Variants in ZNF529 observed in about 807,000 individuals in gnomAD.
ZNF529 encodes zinc finger protein 529.
Under a neutral mutation model 10.1 loss-of-function variants are expected in ZNF529, and 11 were observed. The observed-to-expected ratio is 1.09, with a 90% CI of 0.69 to 1.81. The LOEUF is 1.81. Among genes scored for constraint, ZNF529 ranks in the 40% most tolerant of loss-of-function variants. ZNF529 has a pLI of 0.00. For synonymous variants in ZNF529, 204 were observed against 215.7 expected (o/e 0.95, Z 0.47); for missense variants, 624 against 666.8 (o/e 0.94, Z 0.71).
intron 4 of ZNF529, among the ~76,000 whole-genome samples, 157 bp downstream of exon 4, chr19:36,554,513 G>A (rs1277615028): frequency 6.6e-6 from 1 of 152,176 alleles, no homozygotes; most frequent in Non-Finnish European, 1.5e-5. Context: ...GGGAGGCAGA[G>A]GTTGCAGTGA....
chr19:36,584,582 C>T (rs1267203541), intron 2 of ZNF529, among the ~76,000 whole-genome samples: 1 of 152,012 alleles, frequency 6.6e-6, no homozygotes, highest in African/African-American at 2.4e-5. Context: ...GCCTGGCCAA[C>T]ATGCTGAAAC....
Position 36,546,736 on chromosome 19 carries a change from A to G in ZNF529, c.*130T>C. On this transcript the variant is annotated 3_prime_UTR_variant, in exon 5 of 5. Transcript: ENST00000591340. ...ACTAAGCAATTCTACGTCTACATACAGAATGACCATGAAGTCTAAAAACAG... is the reference window on the plus strand; with the variant it reads ...ACTAAGCAATTCTACGTCTACATACGGAATGACCATGAAGTCTAAAAACAG... 1 of 958,682 alleles carries G rather than the reference A, an allele frequency of 1.0e-6. No individual in the cohort carries two copies. The highest frequency in any genetic ancestry group is 1.5e-6 in the Non-Finnish European group (1 of 653,180). 59.4% of individuals were successfully genotyped at this position (958,682 alleles called of 1,614,324 possible).
chr19:36,605,154 GA>G, exon 1 of ZNF529: 1 of 152,484 alleles, frequency 6.6e-6, no homozygotes, highest in East Asian at 1.9e-4. Context: ...CAGGTCAACG[GA>G]AAAGGGAGCC....
chr19:36,547,748 A>T lies in ZNF529; in HGVS notation c.810T>A (p.Thr270=), dbSNP rs1159342916. 1 of 1,613,446 alleles carries T rather than the reference A, an allele frequency of 6.2e-7. No individual in the cohort carries two copies. The highest frequency in any genetic ancestry group is 1.3e-5 in the African/African-American group (1 of 74,914). Reference sequence around the variant, plus strand: ...CACCATCATGAACTCTTTGAAGTGGAGTAACTTTTCCAACTCTTTCAAAGG... The same window carrying T: ...CACCATCATGAACTCTTTGAAGTGGTGTAACTTTTCCAACTCTTTCAAAGG... ...RRTFERVGKV[T]PLQRVHDGEK... The change falls in exon 5 of 5, where the codon ACT becomes ACA. Residue 270 remains threonine (T), a synonymous_variant. Coordinates refer to ENST00000591340, the MANE Select transcript of ZNF529 (RefSeq NM_020951.5).
At chr19:36,573,457 C>T (rs1018033592), upstream of ZNF529, 17 of 471,010 alleles carry the variant, frequency 3.6e-5, no homozygotes, top group East Asian at 1.2e-3. Context: ...AGACCCTTGC[C>T]ATCAGCAGAG....
At chr19:36,600,918 C>A (rs527871084) in intron 1 of ZNF529, among the ~76,000 whole-genome samples, 1 of 152,250 alleles carries the variant, frequency 6.6e-6, no homozygotes, top group East Asian at 1.9e-4. Flanking sequence ...AGTTCACAAG[C>A]CATACAAAAA....
rs540913304 is a variant in ZNF529 at position 36,554,408 on chromosome 19, C to T, written c.235+262G>A. The stretch of plus-strand genomic sequence containing the variant: ...CCTGGCCAACATGGTGAAACCCTGT[C>T]TCTACTAAAAATACAAAAAATTAGA... On this transcript the variant is annotated intron_variant, in intron 4 of 4. Transcript: ENST00000591340. Among the ~76,000 whole-genome samples the T allele has an allele frequency of 3.3e-5, 5 of 152,204 alleles. No homozygotes were observed. In the East Asian group the frequency reaches 9.7e-4, roughly 29 times the overall value.
chr19:36,598,759 A>C (rs971401281), intron 1 of ZNF529, among the ~76,000 whole-genome samples: 2 of 152,216 alleles, frequency 1.3e-5, no homozygotes, highest in African/African-American at 2.4e-5. Flanking sequence ...CATGGCACAT[A>C]ATAAGTACCT....
chr19:36,605,359 G>A (rs949729169), upstream of ZNF529: 3 of 152,938 alleles, frequency 2.0e-5, no homozygotes, highest in Non-Finnish European at 4.4e-5. Context: ...TGGGTGCCAG[G>A]GGTGCTGAGG....
intron 4 of ZNF529, among the ~76,000 whole-genome samples, chr19:36,551,312 G>A (rs1220921265): frequency 6.6e-6 from 1 of 152,136 alleles, no homozygotes; most frequent in East Asian, 1.9e-4. Flanking sequence ...ATGAGCCTTG[G>A]ATAAGCTTTG....
At chr19:36,586,510 C>T (rs866274635) in intron 2 of ZNF529, among the ~76,000 whole-genome samples, 13 of 151,748 alleles carry the variant, frequency 8.6e-5, no homozygotes, top group Admixed American at 6.6e-4. Flanking sequence ...GAGGCTGAGG[C>T]GGGAGAATTG....
upstream of ZNF529, among the ~76,000 whole-genome samples, chr19:36,574,280 C>A (rs2036256919): frequency 6.6e-6 from 1 of 152,110 alleles, no homozygotes; most frequent in African/African-American, 2.4e-5. Context: ...TAGGTAGATT[C>A]AAAGATTATT....
chr19:36,594,245 C>T (rs149540016), intron 1 of ZNF529: 25 of 152,364 alleles, frequency 1.6e-4, no homozygotes, highest in African/African-American at 5.3e-4. Context: ...AGACCAATAA[C>T]ACCATTTCTG....
chr19:36,558,316 C>A (rs1048730824), intron 2 of ZNF529, among the ~76,000 whole-genome samples: 3 of 151,936 alleles, frequency 2.0e-5, no homozygotes, highest in Non-Finnish European at 4.4e-5. Flanking sequence ...ACTGCACATC[C>A]AGGAAGCTCA....
intron 1 of ZNF529, among the ~76,000 whole-genome samples, chr19:36,596,967 A>T (rs2036851957): frequency 6.6e-6 from 1 of 151,940 alleles, no homozygotes; most frequent in South Asian, 2.1e-4. Context: ...TTGACTTCAC[A>T]GGCTCAAGTG....
At chr19:36,589,406 G>A (rs1395919661) in intron 2 of ZNF529, among the ~76,000 whole-genome samples, 1 of 152,192 alleles carries the variant, frequency 6.6e-6, no homozygotes, top group African/African-American at 2.4e-5. Flanking sequence ...CTGATTGCTT[G>A]CTTGCTGGTA....
At chr19:36,578,709 A>G (rs1322991426) in intron 2 of ZNF529, among the ~76,000 whole-genome samples, 3 of 150,490 alleles carry the variant, frequency 2.0e-5, no homozygotes, top group East Asian at 2.0e-4. Flanking sequence ...CCCGGGTTCA[A>G]GCATTTCTGC....
intron 2 of ZNF529, among the ~76,000 whole-genome samples, chr19:36,568,150 C>T (rs1287273184): frequency 2.0e-5 from 3 of 152,140 alleles, no homozygotes; most frequent in African/African-American, 7.2e-5. Flanking sequence ...AGCTTCAATT[C>T]CCTATTCTCT....
At chr19:36,599,387 A>C (rs1444174115) in intron 1 of ZNF529, among the ~76,000 whole-genome samples, 3 of 152,190 alleles carry the variant, frequency 2.0e-5, no homozygotes, top group Admixed American at 1.3e-4. Flanking sequence ...TTGTCAAATC[A>C]GTTGGGCATC....
Sources: gnomAD v4.1 joint callset for allele counts (sites outside exome capture counted in the v4.1 genomes callset) on GRCh38, gnomAD v4.1.1 for gene constraint, MANE v1.5 for transcripts, NCBI Gene and HGNC (gene_info 2026-07-23, HGNC 2026-07-21) for gene names.